Variants in GTF2E1 observed in about 807,000 individuals in gnomAD.
GTF2E1 encodes TFIIE alpha subunit.
Under a neutral mutation model 34.9 loss-of-function variants are expected in GTF2E1, and 14 were observed. The ratio of observed to expected loss-of-function variants is 0.40; its 90% CI spans 0.27 to 0.63. GTF2E1 has a LOEUF of 0.63. GTF2E1 is among the 20% of genes least tolerant of loss of function. The pLI, the probability that GTF2E1 is intolerant of heterozygous loss-of-function variation, is 0.39. For synonymous variants in GTF2E1, 188 were observed against 192.9 expected (o/e 0.97, Z 0.21); for missense variants, 469 against 557.7 (o/e 0.84, Z 1.60).
intron 2 of GTF2E1, among the ~76,000 whole-genome samples, chr3:120,756,273 T>A (rs1219605417): frequency 6.6e-6 from 1 of 152,184 alleles, no homozygotes; most frequent in Non-Finnish European, 1.5e-5. Context: ...CCAGCATTTG[T>A]TATTGCCAGG....
At chr3:120,766,728 C>A (rs1279238523) in intron 2 of GTF2E1, among the ~76,000 whole-genome samples, 1 of 151,982 alleles carries the variant, frequency 6.6e-6, no homozygotes, top group Middle Eastern at 3.2e-3. Flanking sequence ...TTGCACTGAT[C>A]CCTGATTGTT....
chr3:120,761,841 A>T (rs1709266426), intron 2 of GTF2E1, among the ~76,000 whole-genome samples: 1 of 136,324 alleles, frequency 7.3e-6, no homozygotes, highest in Admixed American at 8.4e-5. Context: ...CCCAGGCTGG[A>T]GTGCAGTGGC....
At chr3:120,743,800 G>A (rs1309095823) in intron 1 of GTF2E1, among the ~76,000 whole-genome samples, 5 of 152,200 alleles carry the variant, frequency 3.3e-5, no homozygotes, top group South Asian at 2.1e-4. Flanking sequence ...GAATATGCTG[G>A]TGTGGCTGGT....
intron 2 of GTF2E1, among the ~76,000 whole-genome samples, chr3:120,767,345 C>T (rs1330976852): frequency 1.3e-5 from 2 of 152,076 alleles, no homozygotes; most frequent in Non-Finnish European, 2.9e-5. Context: ...GCTTATGGTC[C>T]AGTATAAAAA....
At chr3:120,757,681 T>A (rs535281397) in intron 2 of GTF2E1, among the ~76,000 whole-genome samples, 1 of 152,298 alleles carries the variant, frequency 6.6e-6, no homozygotes, top group African/African-American at 2.4e-5. Context: ...TTTTTGAGAC[T>A]TCAAAATTAC....
intron 3 of GTF2E1, among the ~76,000 whole-genome samples, chr3:120,775,327 A>C (rs776433160): frequency 1.3e-5 from 2 of 152,174 alleles, no homozygotes; most frequent in African/African-American, 4.8e-5. Context: ...AATAAAGGAG[A>C]AACGTGAGAC....
At chr3:120,763,240 A>G (rs1396991027) in intron 2 of GTF2E1, among the ~76,000 whole-genome samples, 1 of 152,168 alleles carries the variant, frequency 6.6e-6, no homozygotes, top group Non-Finnish European at 1.5e-5. Context: ...ATATTCATCC[A>G]TGTATTATCC....
At chr3:120,755,134 A>G (rs1436726261) in intron 2 of GTF2E1, among the ~76,000 whole-genome samples, 1 of 152,206 alleles carries the variant, frequency 6.6e-6, no homozygotes, top group African/African-American at 2.4e-5. Context: ...AATAACTCGT[A>G]AAAATAGCCA....
intron 3 of GTF2E1, among the ~76,000 whole-genome samples, chr3:120,774,201 TG>T (rs1203911057): frequency 1.3e-5 from 2 of 152,084 alleles, no homozygotes; most frequent in African/African-American, 4.8e-5. Context: ...AGAAACATTT[TG>T]GGGTGGCAGA....
chr3:120,749,607 C>T (rs1316714452), intron 1 of GTF2E1: 1 of 152,204 alleles, frequency 6.6e-6, no homozygotes, highest in Non-Finnish European at 1.5e-5. Flanking sequence ...ATGAAGCCCA[C>T]TTGATCATGG....
chr3:120,779,176 C>A (rs549577430), intron 4 of GTF2E1, among the ~76,000 whole-genome samples: 9 of 152,272 alleles, frequency 5.9e-5, no homozygotes, highest in African/African-American at 2.2e-4. Flanking sequence ...CCTCTCAAGA[C>A]CCTTGTCAGA....
Position 120,757,785 on chromosome 3 carries a change from A to G in GTF2E1, c.448+6785A>G, listed in dbSNP as rs1009715181. Among the ~76,000 whole-genome samples, 5 of 152,382 alleles carry G rather than the reference A, an allele frequency of 3.3e-5. No homozygotes were observed. In the East Asian group the frequency reaches 9.6e-4, roughly 29 times the overall value. ...CAGAAAAGCCCAGGAATGACTGTAT[A>G]GCTTCTGCATATTGATTAAGAGGGA... On this transcript the variant is annotated intron_variant, in intron 2 of 4. Coordinates refer to ENST00000283875, the MANE Select transcript of GTF2E1 (RefSeq NM_005513.3).
Position 120,750,863 on chromosome 3 carries a change from A to T in GTF2E1, c.311A>T (p.Lys104Ile). The T allele has an allele frequency of 6.2e-7, 1 of 1,614,028 alleles. No individual in the cohort carries two copies. The change falls in exon 2 of 5, where the codon AAA becomes ATA. Residue 104 changes from lysine (K) to isoleucine (I), a missense_variant. Lys to Ile is a moderately radical substitution (Grantham distance 102). Transcript: ENST00000283875. ...INYRTLVNVV[K>I]YKLDHMRRRI... ...TATCGTACTCTTGTTAATGTGGTAA[A>T]ATATAAACTGGACCACATGAGAAGA...
At chr3:120,761,671 A>G (rs1368342105) in intron 2 of GTF2E1, among the ~76,000 whole-genome samples, 2 of 151,614 alleles carry the variant, frequency 1.3e-5, no homozygotes, top group Non-Finnish European at 2.9e-5. Context: ...CCTTCATTTC[A>G]TTATTTACCC....
intron 3 of GTF2E1, among the ~76,000 whole-genome samples, chr3:120,773,914 T>G (rs1280770603): frequency 6.6e-6 from 1 of 152,222 alleles, no homozygotes; most frequent in Non-Finnish European, 1.5e-5. Flanking sequence ...AAAAGTACTC[T>G]TGTGTTAACA....
At chr3:120,749,578 C>T (rs931716565) in intron 1 of GTF2E1, among the ~76,000 whole-genome samples, 1 of 152,030 alleles carries the variant, frequency 6.6e-6, no homozygotes, top group Non-Finnish European at 1.5e-5. Flanking sequence ...GTATATTGAA[C>T]CAGCCTTGCA....
intron 2 of GTF2E1, among the ~76,000 whole-genome samples, chr3:120,753,617 A>G (rs1709185488): frequency 6.6e-6 from 1 of 152,212 alleles, no homozygotes; most frequent in Non-Finnish European, 1.5e-5. Flanking sequence ...GCTCTCTGCC[A>G]CAGGACAAAG....
At chr3:120,773,947 C>A (rs1046546947) in intron 3 of GTF2E1, among the ~76,000 whole-genome samples, 2 of 152,180 alleles carry the variant, frequency 1.3e-5, no homozygotes, top group Non-Finnish European at 2.9e-5. Flanking sequence ...CTGTTCTTTT[C>A]TCTCTAGCTT....
At chr3:120,772,832 C>T (rs965070345) in intron 3 of GTF2E1, among the ~76,000 whole-genome samples, 3 of 152,116 alleles carry the variant, frequency 2.0e-5, no homozygotes, top group African/African-American at 4.8e-5. Context: ...CTACCACAAT[C>T]CAGCTCCCCT....
Sources: gnomAD v4.1 joint callset for allele counts (sites outside exome capture counted in the v4.1 genomes callset) on GRCh38, gnomAD v4.1.1 for gene constraint, MANE v1.5 for transcripts, NCBI Gene and HGNC (gene_info 2026-07-23, HGNC 2026-07-21) for gene names.